SLIT3: variants seen among roughly 807,000 people sequenced by gnomAD.
SLIT3 encodes slit homolog 3 protein.
Under a neutral mutation model 184.0 loss-of-function variants are expected in SLIT3, and 68 were observed. The observed-to-expected ratio is 0.37, with a 90% confidence interval of 0.30 to 0.45. The LOEUF (loss-of-function observed/expected upper bound fraction) is 0.45. SLIT3 is among the 20% of genes least tolerant of loss of function. SLIT3 has a pLI of 1.00. For missense variants in SLIT3, 1,707 were observed against 2,026.0 expected, an observed-to-expected ratio of 0.84 and a Z score of 3.02; for synonymous variants, 831 against 828.6, an observed-to-expected ratio of 1.00 and a Z score of -0.05.
intron 4 of SLIT3, among the ~76,000 whole-genome samples, chr5:169,083,990 C>T (rs1487264430): frequency 6.6e-6 from 1 of 152,192 alleles, no homozygotes. Context: ...GCTTGGAGGG[C>T]AGTCTCCACC....
intron 4 of SLIT3, among the ~76,000 whole-genome samples, chr5:169,169,659 G>A (rs1243707039): frequency 5.3e-5 from 8 of 152,184 alleles, no homozygotes; most frequent in Admixed American, 2.6e-4. Context: ...TTGCTGCTCA[G>A]TTCAGATGGT....
chr5:168,681,245 G>C (rs140047325), intron 32 of SLIT3, among the ~76,000 whole-genome samples: 94 of 152,304 alleles, frequency 6.2e-4, no homozygotes, highest in African/African-American at 2.1e-3. Flanking sequence ...ATTTTGCTGT[G>C]GAACCACTGC....
At chr5:168,709,249 C>T (rs921769559) in intron 25 of SLIT3, among the ~76,000 whole-genome samples, 2 of 152,108 alleles carry the variant, frequency 1.3e-5, no homozygotes, top group Non-Finnish European at 2.9e-5. Context: ...GCATGCGCCA[C>T]CACACCTGGC....
At chr5:168,810,609 G>T (rs1024100659) in intron 8 of SLIT3, among the ~76,000 whole-genome samples, 18 of 152,220 alleles carry the variant, frequency 1.2e-4, no homozygotes, top group Non-Finnish European at 2.1e-4. Context: ...CCCCTCTGGG[G>T]GGGACTTGGT....
intron 5 of SLIT3, among the ~76,000 whole-genome samples, chr5:168,864,180 C>A (rs1325985962): frequency 6.6e-6 from 1 of 152,108 alleles, no homozygotes; most frequent in Non-Finnish European, 1.5e-5. Context: ...GCCCGGCCGA[C>A]AAAGTGAGAC....
intron 4 of SLIT3, among the ~76,000 whole-genome samples, chr5:169,035,755 A>G (rs1757220535): frequency 6.6e-6 from 1 of 152,084 alleles, no homozygotes; most frequent in South Asian, 2.1e-4. Context: ...AGGCCCAGAG[A>G]GGTACAGTCA....
At chr5:168,949,001 G>A (rs1015800805) in intron 4 of SLIT3, among the ~76,000 whole-genome samples, 2 of 152,186 alleles carry the variant, frequency 1.3e-5, no homozygotes, top group African/African-American at 2.4e-5. Context: ...AGGCTCTTCT[G>A]CAGAGGTCGT....
chr5:168,938,793 G>T (rs1975147), intron 4 of SLIT3, among the ~76,000 whole-genome samples: 1 of 151,954 alleles, frequency 6.6e-6, no homozygotes, highest in African/African-American at 2.4e-5. Context: ...ACCGTGCCTG[G>T]CTAATTTTTG....
intron 26 of SLIT3, among the ~76,000 whole-genome samples, chr5:168,703,925 C>T (rs1009510279): frequency 6.8e-5 from 8 of 116,912 alleles, no homozygotes; most frequent in South Asian, 2.9e-4. Flanking sequence ...AGCCTGGCAA[C>T]GGAGTGAGAC....
chr5:168,856,966 T>C (rs1758902091), intron 5 of SLIT3, among the ~76,000 whole-genome samples: 1 of 151,894 alleles, frequency 6.6e-6, no homozygotes, highest in Non-Finnish European at 1.5e-5. Context: ...GTGCGACGGC[T>C]CCTGGGGAAG....
rs575367361 is a variant in SLIT3 at position 169,132,913 on chromosome 5, T to C, written c.413+60566A>G. On this transcript the variant is annotated intron_variant, in intron 4 of 35. Coordinates refer to ENST00000519560, the MANE Select transcript of SLIT3 (RefSeq NM_003062.4). The stretch of plus-strand genomic sequence containing the variant: ...GTACAGTCTTGTTGCCAGGCATTTA[T>C]TTTTTTGAAAAGATGACTTTTGGTA... Among the ~76,000 whole-genome samples the C allele has an allele frequency of 5.3e-5, 8 of 152,328 alleles. No homozygotes were observed. In the East Asian group the frequency reaches 1.5e-3, roughly 29 times the overall value.
chr5:169,236,750 G>A (rs914851077), intron 3 of SLIT3, among the ~76,000 whole-genome samples: 13 of 152,214 alleles, frequency 8.5e-5, no homozygotes, highest in Non-Finnish European at 1.3e-4. Context: ...GATAACAGGT[G>A]TGAGCCACCA....
chr5:169,195,870 A>C (rs916476362), intron 3 of SLIT3, among the ~76,000 whole-genome samples: 3 of 152,188 alleles, frequency 2.0e-5, no homozygotes, highest in African/African-American at 4.8e-5. Flanking sequence ...TTTTTAAAAA[A>C]TTGCAGTAAA....
intron 1 of SLIT3, among the ~76,000 whole-genome samples, chr5:169,281,259 A>T (rs1766982769): frequency 6.6e-6 from 1 of 152,210 alleles, no homozygotes; most frequent in Non-Finnish European, 1.5e-5. Flanking sequence ...TGGGCGGATC[A>T]TGAGGTCAGG....
At chr5:169,010,719 T>A (rs531544105) in intron 4 of SLIT3, among the ~76,000 whole-genome samples, 28 of 152,078 alleles carry the variant, frequency 1.8e-4, no homozygotes, top group South Asian at 1.2e-3. Context: ...CTGGGCAACA[T>A]GGCGAAACCC....
At chr5:168,704,264 A>C (rs1176723070) in intron 26 of SLIT3, among the ~76,000 whole-genome samples, 1 of 138,786 alleles carries the variant, frequency 7.2e-6, no homozygotes, top group Non-Finnish European at 1.5e-5. Context: ...AGAATCAGCC[A>C]ACAGATATAT....
At chr5:168,712,202 G>A in intron 24 of SLIT3, 81 bp downstream of exon 24, 10 of 1,217,290 alleles carry the variant, frequency 8.2e-6, no homozygotes, top group Middle Eastern at 1.9e-4. Context: ...CTGCCAAAAT[G>A]CTGACAGTGA....
intron 4 of SLIT3, among the ~76,000 whole-genome samples, chr5:169,041,528 C>T (rs1405101710): frequency 6.6e-6 from 1 of 152,200 alleles, no homozygotes; most frequent in African/African-American, 2.4e-5. Flanking sequence ...ATTTACAGCG[C>T]TCTCAGCACT....
rs370853269 is a variant in SLIT3, at chr5:168,795,552, G to A, written c.962C>T (p.Ala321Val). 1 of 1,613,762 alleles carries A rather than the reference G, an allele frequency of 6.2e-7. No individual in the cohort carries two copies. The highest frequency in any genetic ancestry group is 8.5e-7 in the Non-Finnish European group (1 of 1,179,780). ...CTGGGTGAAGGCTCCTGCAGGGATG[G>A]CTTTGATGGAGTTCTGTTCTAGGCG... Reference protein sequence around the residue: ...EIRLEQNSIKAIPAGAFTQYK... With the variant: ...EIRLEQNSIKVIPAGAFTQYK... The change falls in exon 10 of 36, where the codon GCC becomes GTC. Residue 321 changes from alanine to valine, a missense_variant. Physicochemically the swap from Ala to Val is moderately conservative, Grantham distance 64. This residue lies in a region of SLIT3 where 1,307 missense variants were observed against 1,511.6 expected (regional missense o/e 0.86). Transcript: ENST00000519560.
Sources: gnomAD v4.1 joint callset for allele counts (sites outside exome capture counted in the v4.1 genomes callset) on GRCh38, gnomAD v4.1.1 for gene constraint, gnomAD v4.1.1 regional missense constraint, MANE v1.5 for transcripts, NCBI Gene and HGNC (gene_info 2026-07-23, HGNC 2026-07-21) for gene names.